Variants in SLIT2 observed in about 807,000 individuals in gnomAD.
SLIT2 encodes the protein slit guidance ligand 2.
In SLIT2, 41 loss-of-function variants were observed where a neutral mutation model predicts 185.7. That is an observed-to-expected ratio of 0.22 (90% confidence interval 0.17 to 0.29). The LOEUF (loss-of-function observed/expected upper bound fraction) is 0.29. SLIT2 is among the 10% of genes least tolerant of loss of function. The pLI is 1.00. For missense variants in SLIT2, 1,571 were observed against 1,909.0 expected (o/e 0.82, Z 3.30); for synonymous variants, 693 against 680.2 (o/e 1.02, Z -0.29).
At chr4:20,360,735 A>G (rs1304540679) in intron 4 of SLIT2, among the ~76,000 whole-genome samples, 3 of 152,162 alleles carry the variant, frequency 2.0e-5, no homozygotes, top group African/African-American at 4.8e-5. Flanking sequence ...TTTATGAAAA[A>G]CTGTGCATGG....
intron 34 of SLIT2, among the ~76,000 whole-genome samples, chr4:20,613,186 T>G (rs564114394): frequency 1.3e-5 from 2 of 152,232 alleles, no homozygotes; most frequent in South Asian, 2.1e-4. Flanking sequence ...CATTCTATCA[T>G]AAAGACACAG....
At chr4:20,301,124 A>G (rs1716998091) in intron 4 of SLIT2, among the ~76,000 whole-genome samples, 1 of 152,144 alleles carries the variant, frequency 6.6e-6, no homozygotes, top group Non-Finnish European at 1.5e-5. Context: ...ATGAGATGCT[A>G]ATTATTTGCT....
chr4:20,397,801 C>G (rs1264353571), intron 4 of SLIT2, among the ~76,000 whole-genome samples: 2 of 151,780 alleles, frequency 1.3e-5, no homozygotes, highest in Admixed American at 1.3e-4. Context: ...CTCCCACACA[C>G]GGCTTCAAGT....
At chr4:20,554,125 G>T (rs547603419) in intron 26 of SLIT2, among the ~76,000 whole-genome samples, 157 bp downstream of exon 26, 1 of 152,284 alleles carries the variant, frequency 6.6e-6, no homozygotes, top group African/African-American at 2.4e-5. Context: ...GTTACCTGAG[G>T]TGCCCAAGTA....
chr4:20,393,387 G>A (rs184617720), intron 4 of SLIT2: 1 of 152,204 alleles, frequency 6.6e-6, no homozygotes, highest in East Asian at 1.9e-4. Flanking sequence ...GAGCCAGTGG[G>A]AAGCATTCTC....
At chr4:20,324,623 G>A (rs548772440) in intron 4 of SLIT2, among the ~76,000 whole-genome samples, 4 of 152,192 alleles carry the variant, frequency 2.6e-5, no homozygotes, top group East Asian at 1.9e-4. Context: ...ATGCAAAGAC[G>A]GTGGATATTG....
chr4:20,417,594 T>C (rs1727803275), intron 4 of SLIT2, among the ~76,000 whole-genome samples: 1 of 151,684 alleles, frequency 6.6e-6, no homozygotes, highest in South Asian at 2.1e-4. Flanking sequence ...CGATCTCAGC[T>C]CACTGTAGCC....
At chr4:20,475,236 C>T (rs1254766368) in intron 5 of SLIT2, among the ~76,000 whole-genome samples, 1 of 151,976 alleles carries the variant, frequency 6.6e-6, no homozygotes, top group African/African-American at 2.4e-5. Flanking sequence ...CTTTGATAGA[C>T]CCATTACCTC....
At chr4:20,360,557 A>G (rs1369677270) in intron 4 of SLIT2, among the ~76,000 whole-genome samples, 1 of 152,156 alleles carries the variant, frequency 6.6e-6, no homozygotes, top group Non-Finnish European at 1.5e-5. Flanking sequence ...CAGGAAGCAT[A>G]GAATGACTCA....
chr4:20,346,401 G>A (rs917599207), intron 4 of SLIT2, among the ~76,000 whole-genome samples: 1 of 152,112 alleles, frequency 6.6e-6, no homozygotes, highest in Non-Finnish European at 1.5e-5. Flanking sequence ...TCCAGAAATT[G>A]CCAAATATCC....
intron 29 of SLIT2, among the ~76,000 whole-genome samples, chr4:20,585,678 A>G (rs1444787156): frequency 6.6e-6 from 1 of 152,218 alleles, no homozygotes; most frequent in Admixed American, 6.5e-5. Context: ...CATTTACAAC[A>G]CTAACTCTGT....
At chr4:20,539,408 G>T (rs778002156) in intron 18 of SLIT2, 33 bp from the exon 19 acceptor site, 3 of 1,591,386 alleles carry the variant, frequency 1.9e-6, no homozygotes. Flanking sequence ...CTGATGCTTT[G>T]TCTCCATAAC....
intron 28 of SLIT2, among the ~76,000 whole-genome samples, chr4:20,568,307 G>A (rs1006457868): frequency 5.9e-5 from 9 of 151,902 alleles, no homozygotes; most frequent in Non-Finnish European, 1.0e-4. Flanking sequence ...AAAATTATTC[G>A]ATACATACTC....
intron 4 of SLIT2, among the ~76,000 whole-genome samples, chr4:20,439,239 C>T (rs753917139): frequency 2.6e-5 from 4 of 152,156 alleles, no homozygotes; most frequent in Non-Finnish European, 5.9e-5. Context: ...TTGGTCTAGG[C>T]CATTGTATTA....
chr4:20,354,519 C>T (rs1431963483), intron 4 of SLIT2, among the ~76,000 whole-genome samples: 2 of 152,102 alleles, frequency 1.3e-5, no homozygotes, highest in Non-Finnish European at 2.9e-5. Context: ...TTGTTAAGGG[C>T]ACTAAAAATG....
intron 6 of SLIT2, among the ~76,000 whole-genome samples, chr4:20,481,800 G>T (rs956552831): frequency 6.6e-6 from 1 of 151,742 alleles, no homozygotes; most frequent in African/African-American, 2.4e-5. Context: ...ATATGGTTTT[G>T]GTTTTAATTG....
chr4:20,284,362 C>G (rs886873246), intron 4 of SLIT2, among the ~76,000 whole-genome samples: 1 of 152,140 alleles, frequency 6.6e-6, no homozygotes, highest in African/African-American at 2.4e-5. Context: ...GCTTACTAAC[C>G]AAATCCCTTC....
At position 20,424,604 on chromosome 4, in the gene SLIT2, A is replaced by T. The variant is rs1441073611; in HGVS notation, c.396-43148A>T. Among the ~76,000 whole-genome samples, 4 of 152,158 alleles carry T rather than the reference A, an allele frequency of 2.6e-5. No individual in the cohort carries two copies. In the South Asian group the frequency reaches 8.3e-4, roughly 31 times the overall value. On this transcript the variant is annotated intron_variant, in intron 4 of 36. Transcript: ENST00000504154. ...GACAATCAAAATACAGAAATCTAGC[A>T]TGATTCCATAGAAATCTATTTTCTA...
chr4:20,597,009 G>A (rs1276635716), intron 32 of SLIT2, among the ~76,000 whole-genome samples: 1 of 151,682 alleles, frequency 6.6e-6, no homozygotes, highest in Non-Finnish European at 1.5e-5. Context: ...AGCTAGGAAG[G>A]GTGCAGGCGA....
Sources: allele counts gnomAD v4.1 joint callset (sites outside exome capture counted in the v4.1 genomes callset), GRCh38; gene constraint gnomAD v4.1.1; transcripts MANE v1.5; gene names NCBI Gene and HGNC (gene_info 2026-07-23, HGNC 2026-07-21).